The following GMDS variants were observed in gnomAD, a reference collection of about 807,000 sequenced individuals.
GMDS encodes GDP-mannose 4,6 dehydratase.
Under a neutral mutation model 49.9 loss-of-function variants are expected in GMDS, and 20 were observed. The ratio of observed to expected loss-of-function variants is 0.40; its 90% CI spans 0.28 to 0.58. The LOEUF (loss-of-function observed/expected upper bound fraction) is 0.58. Among genes scored for constraint, GMDS ranks in the 20% least tolerant of loss-of-function variants. The pLI, the probability that GMDS is intolerant of heterozygous loss-of-function variation, is 0.42. For missense variants in GMDS, 362 were observed against 481.4 expected (o/e 0.75, Z 2.32); for synonymous variants, 177 against 178.6 (o/e 0.99, Z 0.07).
intron 4 of GMDS, among the ~76,000 whole-genome samples, chr6:2,055,139 C>T (rs188483328): frequency 2.7e-3 from 405 of 151,248 alleles, no homozygotes; most frequent in Non-Finnish European, 4.6e-3. Context: ...AAAGATAGAG[C>T]GATAAAAACT....
At chr6:1,706,645 G>A (rs1765747841) in intron 9 of GMDS, among the ~76,000 whole-genome samples, 4 of 152,188 alleles carry the variant, frequency 2.6e-5, no homozygotes, top group South Asian at 2.1e-4. Context: ...TTGCTGGAAC[G>A]AGGCTGGGAG....
intron 1 of GMDS, among the ~76,000 whole-genome samples, chr6:2,210,666 A>G (rs1002540046): frequency 6.6e-6 from 1 of 152,216 alleles, no homozygotes; most frequent in African/African-American, 2.4e-5. Flanking sequence ...AGAGACAGAC[A>G]GAGGTGGGCC....
rs1561961547 is a variant in GMDS, at chr6:1,999,954, G to GTATATTATATATATATTATATATA, written c.346-39012_346-38989dup. Among the ~76,000 whole-genome samples, 62 of 12,256 alleles carry GTATATTATATATATATTATATATA rather than the reference G, an allele frequency of 5.1e-3. 3 individuals are homozygous for GTATATTATATATATATTATATATA. Among genetic ancestry groups the GTATATTATATATATATTATATATA allele is most frequent in the African/African-American group, 0.013 (61 of 4,872 alleles). 8.0% of individuals were successfully genotyped at this position (12,256 alleles called of 152,430 possible). ...TATTATTATATATAATATATAATATGTATATTATATATATATTATATATAT... is the reference window on the plus strand; with the variant it reads ...TATTATTATATATAATATATAATATGTATATTATATATATATTATATATATATATTATATATATATTATATATAT... On this transcript the variant is annotated intron_variant, in intron 4 of 10. Coordinates refer to ENST00000380815, the MANE Select transcript of GMDS (RefSeq NM_001500.4).
chr6:1,894,676 C>T (rs1760060872), intron 7 of GMDS, among the ~76,000 whole-genome samples: 1 of 152,112 alleles, frequency 6.6e-6, no homozygotes, highest in South Asian at 2.1e-4. Flanking sequence ...AAATCAAGTA[C>T]CACAGGATAT....
chr6:1,686,005 C>T (rs141847170), intron 9 of GMDS, among the ~76,000 whole-genome samples: 19 of 152,214 alleles, frequency 1.2e-4, no homozygotes, highest in East Asian at 7.7e-4. Context: ...AAGCACAGGC[C>T]GTGGAGTCAT....
chr6:1,742,453 C>A lies in GMDS; in HGVS notation c.890+15G>T. On this transcript the variant is annotated intron_variant, in intron 8 of 10. Transcript: ENST00000380815. ...GCCAGAGAGCTACAAGTAGTCATTT[C>A]TCAGGTATACTTACACAATGGTTTT... The A allele has an allele frequency of 7.0e-7, 1 of 1,428,012 alleles. No individual in the cohort carries two copies. The highest frequency in any genetic ancestry group is 9.9e-7 in the Non-Finnish European group (1 of 1,011,832). 88.5% of individuals were successfully genotyped at this position (1,428,012 alleles called of 1,614,324 possible). A position where few individuals can be genotyped will look rare whatever the true frequency, so the allele number is the denominator to read the frequency against.
At chr6:1,864,149 C>T (rs868827290) in intron 7 of GMDS, among the ~76,000 whole-genome samples, 27 of 152,224 alleles carry the variant, frequency 1.8e-4, no homozygotes, top group Middle Eastern at 6.8e-3. Context: ...AGAATTATTT[C>T]TCTAAACTTT....
At chr6:2,036,914 T>A (rs1349135274) in intron 4 of GMDS, among the ~76,000 whole-genome samples, 1 of 152,132 alleles carries the variant, frequency 6.6e-6, no homozygotes, top group Non-Finnish European at 1.5e-5. Flanking sequence ...GTAAGTAAGG[T>A]TTTAAATAAG....
intron 7 of GMDS, among the ~76,000 whole-genome samples, chr6:1,846,381 C>T (rs1398588398): frequency 6.6e-6 from 1 of 151,918 alleles, no homozygotes; most frequent in Non-Finnish European, 1.5e-5. Context: ...GTGTGAGCCA[C>T]TGTGTCCAGC....
At chr6:1,887,079 TA>T (rs779421543) in intron 7 of GMDS, among the ~76,000 whole-genome samples, 1 of 152,200 alleles carries the variant, frequency 6.6e-6, no homozygotes, top group Non-Finnish European at 1.5e-5. Context: ...GTAGAGAGGG[TA>T]AGCAACTTGT....
At chr6:2,113,219 C>T (rs1167835033) in intron 4 of GMDS, among the ~76,000 whole-genome samples, 1 of 152,102 alleles carries the variant, frequency 6.6e-6, no homozygotes, top group African/African-American at 2.4e-5. Flanking sequence ...CCTGGGTTTC[C>T]CTCTTCTCTA....
chr6:1,701,174 T>G (rs1327719838), intron 9 of GMDS, among the ~76,000 whole-genome samples: 1 of 152,180 alleles, frequency 6.6e-6, no homozygotes, highest in Non-Finnish European at 1.5e-5. Context: ...TCCCTTAGCG[T>G]GGAGTACATC....
intron 4 of GMDS, among the ~76,000 whole-genome samples, chr6:2,109,744 G>C (rs973173169): frequency 1.3e-5 from 2 of 152,220 alleles, no homozygotes; most frequent in African/African-American, 2.4e-5. Flanking sequence ...TGTTCCAGTA[G>C]TGGACATAAT....
At chr6:1,663,903 TG>T (rs1450298872) in intron 9 of GMDS, among the ~76,000 whole-genome samples, 1 of 152,300 alleles carries the variant, frequency 6.6e-6, no homozygotes, top group East Asian at 1.9e-4. Flanking sequence ...CCTGTATGAA[TG>T]GGAGCATGTA....
chr6:1,814,952 A>C (rs1770593911), intron 7 of GMDS, among the ~76,000 whole-genome samples: 1 of 152,230 alleles, frequency 6.6e-6, no homozygotes, highest in Admixed American at 6.5e-5. Flanking sequence ...TCTATTTCAA[A>C]TCAAATATGG....
intron 1 of GMDS, among the ~76,000 whole-genome samples, chr6:2,217,732 T>C (rs1236813230): frequency 6.6e-6 from 1 of 152,178 alleles, no homozygotes; most frequent in Non-Finnish European, 1.5e-5. Context: ...TGTTAATAAC[T>C]GAACTATCAG....
intron 1 of GMDS, among the ~76,000 whole-genome samples, chr6:2,180,801 C>A (rs1778485092): frequency 6.6e-6 from 1 of 152,004 alleles, no homozygotes; most frequent in Non-Finnish European, 1.5e-5. Flanking sequence ...CTGTTAGAAC[C>A]AGCCAGAGGT....
Position 1,650,183 on chromosome 6 carries a change from A to AGCAACT in GMDS, c.988-25649_988-25644dup, listed in dbSNP as rs903281015. On this transcript the variant is annotated intron_variant, in intron 9 of 10. Coordinates refer to ENST00000380815, the MANE Select transcript of GMDS (RefSeq NM_001500.4). Reference sequence around the variant, plus strand: ...CGTGGGGACTGGTGCCAATACTATCAGCAACTGCATTTATCGTACCAAGAG... The same window carrying AGCAACT: ...CGTGGGGACTGGTGCCAATACTATCAGCAACTGCAACTGCATTTATCGTACCAAGAG... Among the ~76,000 whole-genome samples, 53 of 152,240 alleles carry AGCAACT rather than the reference A, an allele frequency of 3.5e-4. 1 individual carries two copies. The highest frequency in any genetic ancestry group is 1.2e-3 in the African/African-American group (49 of 41,538).
chr6:2,240,853 C>T (rs570221401), intron 1 of GMDS, among the ~76,000 whole-genome samples: 15 of 152,186 alleles, frequency 9.9e-5, no homozygotes, highest in African/African-American at 3.4e-4. Flanking sequence ...AAGTGCATTA[C>T]TTGTAGAATT....
Sources: allele counts gnomAD v4.1 joint callset (sites outside exome capture counted in the v4.1 genomes callset), GRCh38; gene constraint gnomAD v4.1.1; transcripts MANE v1.5; gene names NCBI Gene and HGNC (gene_info 2026-07-23, HGNC 2026-07-21).